The following FAT4 variants were observed in gnomAD, a reference collection of about 807,000 sequenced individuals.
FAT4 encodes FAT atypical cadherin 4, also known as protocadherin Fat 4.
In FAT4, 84 loss-of-function variants were observed where a neutral mutation model predicts 303.9. The ratio of observed to expected loss-of-function variants is 0.28; its 90% CI spans 0.23 to 0.33. The LOEUF (loss-of-function observed/expected upper bound fraction) is 0.33, where lower values mean the gene tolerates loss of function less well. Among genes scored for constraint, FAT4 ranks in the 10% least tolerant of loss-of-function variants. The pLI is 1.00. For synonymous variants in FAT4, 2,307 were observed against 2,298.8 expected, an observed-to-expected ratio of 1.00 and a Z score of -0.10; for missense variants, 6,005 against 6,146.8, an observed-to-expected ratio of 0.98 and a Z score of 0.77.
At chr4:125,452,936 A>G (rs1483820034) in intron 10 of FAT4, 126 bp downstream of exon 10, 18 of 1,204,902 alleles carry the variant, frequency 1.5e-5, no homozygotes, top group Non-Finnish European at 2.1e-5. Flanking sequence ...ATGTTTTTAA[A>G]CATTTACTGT....
chr4:125,483,089 G>A (rs939789539), intron 16 of FAT4, among the ~76,000 whole-genome samples: 9 of 152,130 alleles, frequency 5.9e-5, no homozygotes, highest in Non-Finnish European at 1.3e-4. Context: ...AATATCATTA[G>A]TGCCAAATGG....
chr4:125,379,845 A>T (rs1733473108), intron 2 of FAT4, among the ~76,000 whole-genome samples: 1 of 151,728 alleles, frequency 6.6e-6, no homozygotes, highest in Non-Finnish European at 1.5e-5. Context: ...ACACACATAT[A>T]TATGTATACA....
chr4:125,470,447 G>T (rs947173450), intron 12 of FAT4, among the ~76,000 whole-genome samples: 1 of 152,034 alleles, frequency 6.6e-6, no homozygotes, highest in African/African-American at 2.4e-5. Context: ...CTAATAAAAG[G>T]CTGTTTTTTT....
intron 2 of FAT4, among the ~76,000 whole-genome samples, chr4:125,380,141 C>T (rs1733486674): frequency 6.6e-6 from 1 of 152,072 alleles, no homozygotes; most frequent in Non-Finnish European, 1.5e-5. Context: ...GATCCACCTG[C>T]CTCGGCCTCC....
chr4:125,325,704 T>G (rs745442200), intron 2 of FAT4, among the ~76,000 whole-genome samples: 6 of 152,220 alleles, frequency 3.9e-5, no homozygotes, highest in Non-Finnish European at 7.3e-5. Flanking sequence ...TTGATAAAAT[T>G]AATACGTTTT....
chr4:125,409,498 C>T (rs538998337), intron 5 of FAT4, among the ~76,000 whole-genome samples: 28 of 152,244 alleles, frequency 1.8e-4, no homozygotes, highest in Non-Finnish European at 3.1e-4. Context: ...TCAGATGACC[C>T]GCCTGCCTTG....
At chr4:125,469,299 C>A (rs10004588) in intron 12 of FAT4, among the ~76,000 whole-genome samples, 7,377 of 152,192 alleles carry the variant, frequency 0.048, 201 homozygotes, top group East Asian at 0.063. Flanking sequence ...ATTGGTGGCT[C>A]CTGACTGAGC....
chr4:125,331,128 C>A (rs887852153), intron 2 of FAT4, among the ~76,000 whole-genome samples: 1 of 152,044 alleles, frequency 6.6e-6, no homozygotes, highest in South Asian at 2.1e-4. Flanking sequence ...TTATCATCAC[C>A]CGACATAACA....
intron 7 of FAT4, among the ~76,000 whole-genome samples, chr4:125,422,512 C>G (rs1022059991): frequency 2.0e-5 from 3 of 152,092 alleles, no homozygotes; most frequent in Non-Finnish European, 4.4e-5. Context: ...GGGATTTTCC[C>G]CCTTTGCTCA....
intron 8 of FAT4, among the ~76,000 whole-genome samples, chr4:125,436,087 T>C (rs1421263106): frequency 6.6e-6 from 1 of 151,254 alleles, no homozygotes; most frequent in Non-Finnish European, 1.5e-5. Flanking sequence ...ATATACCTAA[T>C]GTAAATGATG....
chr4:125,466,730 T>C (rs1726675304), intron 11 of FAT4, among the ~76,000 whole-genome samples: 1 of 151,050 alleles, frequency 6.6e-6, no homozygotes, highest in Non-Finnish European at 1.5e-5. Flanking sequence ...CTTTGCCTTT[T>C]CTTCAACTTT....
chr4:125,439,715 A>G (rs1725585627), intron 8 of FAT4, among the ~76,000 whole-genome samples: 1 of 151,832 alleles, frequency 6.6e-6, no homozygotes, highest in African/African-American at 2.4e-5. Context: ...AAAGTTACTC[A>G]TTTTTCTTGT....
At chr4:125,423,805 A>G (rs1724990871) in intron 7 of FAT4, among the ~76,000 whole-genome samples, 1 of 152,202 alleles carries the variant, frequency 6.6e-6, no homozygotes, top group Non-Finnish European at 1.5e-5. Flanking sequence ...CATGTCTTGC[A>G]TCAGCATGCC....
chr4:125,408,218 G>A (rs1287883684), intron 4 of FAT4, among the ~76,000 whole-genome samples: 1 of 152,072 alleles, frequency 6.6e-6, no homozygotes, highest in Non-Finnish European at 1.5e-5. Context: ...GGAAATTTAT[G>A]CTGAAACCTG....
Position 125,408,434 on chromosome 4 carries a change from C to T in FAT4, c.5570-10C>T. The T allele has an allele frequency of 6.5e-7, 1 of 1,534,506 alleles. No homozygotes were observed. Among genetic ancestry groups the T allele is most frequent in the East Asian group, 2.3e-5 (1 of 43,986 alleles). On this transcript the variant is annotated splice_polypyrimidine_tract_variant and intron_variant, in intron 4 of 17. Coordinates refer to ENST00000394329, the MANE Select transcript of FAT4 (RefSeq NM_001291303.3). ...CTTGATTTTATACTATTAATTTATTCTTTTGATAGGTTCTTTGGTAGCAGC... is the reference window on the plus strand; with the variant it reads ...CTTGATTTTATACTATTAATTTATTTTTTTGATAGGTTCTTTGGTAGCAGC...
intron 8 of FAT4, among the ~76,000 whole-genome samples, chr4:125,442,142 T>G (rs1043287741): frequency 2.0e-5 from 3 of 152,174 alleles, no homozygotes; most frequent in Non-Finnish European, 4.4e-5. Flanking sequence ...CTTCTTTTGT[T>G]TCTGCCTTTT....
intron 2 of FAT4, among the ~76,000 whole-genome samples, chr4:125,342,424 C>G (rs1276386095): frequency 6.6e-6 from 1 of 151,902 alleles, no homozygotes; most frequent in African/African-American, 2.4e-5. Flanking sequence ...TGGTTTTGTT[C>G]AGAATCCCTT....
At chr4:125,336,808 C>G (rs187344217) in intron 2 of FAT4, among the ~76,000 whole-genome samples, 1 of 143,768 alleles carries the variant, frequency 7.0e-6, no homozygotes, top group East Asian at 2.0e-4. Context: ...TATGTTAGAA[C>G]AAATTTAATT....
intron 17 of FAT4, among the ~76,000 whole-genome samples, chr4:125,489,302 T>C (rs1727520412): frequency 6.6e-6 from 1 of 152,206 alleles, no homozygotes; most frequent in African/African-American, 2.4e-5. Context: ...AGACACTTAA[T>C]ATAGTCTAAA....
Sources: gnomAD v4.1 joint callset for allele counts (sites outside exome capture counted in the v4.1 genomes callset) on GRCh38, gnomAD v4.1.1 for gene constraint, MANE v1.5 for transcripts, NCBI Gene and HGNC (gene_info 2026-07-23, HGNC 2026-07-21) for gene names.